FHIT: variants seen among roughly 807,000 people sequenced by gnomAD.
FHIT encodes bis(5'-adenosyl)-triphosphatase.
In FHIT, 19 loss-of-function variants were observed where a neutral mutation model predicts 17.9. The observed-to-expected ratio is 1.06, with a 90% CI of 0.74 to 1.56. FHIT has a LOEUF of 1.56. Ranked by LOEUF, FHIT falls within the 40% of genes most tolerant of loss-of-function variation. The pLI, the probability that FHIT is intolerant of heterozygous loss-of-function variation, is 0.00. For missense variants in FHIT, 248 were observed against 189.2 expected (o/e 1.31, Z -1.82); for synonymous variants, 81 against 69.7 (o/e 1.16, Z -0.81).
At chr3:60,952,964 T>G (rs1708954030) in intron 3 of FHIT, among the ~76,000 whole-genome samples, 1 of 152,196 alleles carries the variant, frequency 6.6e-6, no homozygotes, top group Non-Finnish European at 1.5e-5. Context: ...TAAATAAATG[T>G]GTGTGCTTTT....
intron 3 of FHIT, among the ~76,000 whole-genome samples, chr3:60,941,880 C>A (rs1708422779): frequency 6.6e-6 from 1 of 152,232 alleles, no homozygotes. Flanking sequence ...AATATCACTT[C>A]TTCAAGTAAC....
intron 4 of FHIT, among the ~76,000 whole-genome samples, chr3:60,589,891 AATTT>A (rs1227923865): frequency 2.0e-5 from 3 of 151,948 alleles, no homozygotes; most frequent in African/African-American, 7.2e-5. Context: ...TTGGCATTCT[AATTT>A]ATCATCTTCT....
At chr3:60,735,519 A>G (rs2042116893) in intron 4 of FHIT, among the ~76,000 whole-genome samples, 1 of 152,240 alleles carries the variant, frequency 6.6e-6, no homozygotes, top group African/African-American at 2.4e-5. Flanking sequence ...GAAAGGGAAG[A>G]ATTTAAAAAA....
chr3:60,174,991 A>C lies in FHIT; in HGVS notation c.104-160839T>G, dbSNP rs141324776. Among the ~76,000 whole-genome samples the C allele has an allele frequency of 2.8e-3, 425 of 152,302 alleles. 2 individuals are homozygous for C. Among genetic ancestry groups the C allele is most frequent in the African/African-American group, 9.7e-3 (401 of 41,554 alleles). Reference sequence around the variant, plus strand: ...AATATAGGTTGACTGTGTGAACGAAAGGATAGGGGTGGATAATGATTAAAC... The same window carrying C: ...AATATAGGTTGACTGTGTGAACGAACGGATAGGGGTGGATAATGATTAAAC... On this transcript the variant is annotated intron_variant, in intron 5 of 9. Transcript: ENST00000492590.
At chr3:60,550,727 C>A (rs75883174) in intron 4 of FHIT, among the ~76,000 whole-genome samples, 1 of 151,964 alleles carries the variant, frequency 6.6e-6, no homozygotes, top group East Asian at 1.9e-4. Context: ...AACCTTTCCT[C>A]ATCAAACTCT....
At chr3:61,064,231 A>AAGAG (rs35140567) in intron 2 of FHIT, among the ~76,000 whole-genome samples, 4 of 151,438 alleles carry the variant, frequency 2.6e-5, no homozygotes, top group African/African-American at 7.3e-5. Flanking sequence ...CTGAAATGGA[A>AAGAG]AGAGAGAGAG....
intron 3 of FHIT, among the ~76,000 whole-genome samples, chr3:60,898,919 T>G: frequency 6.6e-6 from 1 of 152,350 alleles, no homozygotes; most frequent in East Asian, 1.9e-4. Flanking sequence ...AATTCTCCCT[T>G]GTCAGTTTCT....
chr3:60,062,518 G>A (rs1251367284), intron 5 of FHIT, among the ~76,000 whole-genome samples: 1 of 152,136 alleles, frequency 6.6e-6, no homozygotes, highest in Non-Finnish European at 1.5e-5. Flanking sequence ...TAAGTTGCTT[G>A]TATTACACAA....
chr3:59,905,748 C>T (rs905508123), intron 8 of FHIT, among the ~76,000 whole-genome samples: 8 of 151,994 alleles, frequency 5.3e-5, no homozygotes, highest in South Asian at 2.1e-4. Flanking sequence ...ATAGAAAACC[C>T]GAATACGTAA....
intron 5 of FHIT, among the ~76,000 whole-genome samples, chr3:60,497,053 G>T (rs778365780): frequency 3.3e-5 from 5 of 152,094 alleles, no homozygotes; most frequent in Non-Finnish European, 7.4e-5. Context: ...GTTCTCAAAA[G>T]GGGGTAACTT....
intron 5 of FHIT, among the ~76,000 whole-genome samples, chr3:60,031,765 A>G (rs913870925): frequency 1.3e-5 from 2 of 152,228 alleles, no homozygotes; most frequent in Admixed American, 1.3e-4. Context: ...TGGGGGTCCC[A>G]CAGAGGCTTA....
intron 4 of FHIT, among the ~76,000 whole-genome samples, chr3:60,565,890 G>C (rs6446135): frequency 0.38 from 58,320 of 151,828 alleles, 11,536 homozygotes; most frequent in Admixed American, 0.49. Context: ...TTTCTCTTAT[G>C]GGCATTTAGT....
chr3:60,571,424 A>G (rs2107663507), intron 4 of FHIT, among the ~76,000 whole-genome samples: 1 of 151,140 alleles, frequency 6.6e-6, no homozygotes, highest in South Asian at 2.1e-4. Flanking sequence ...ATCCAGGGGA[A>G]AAAGATTAAT....
intron 5 of FHIT, among the ~76,000 whole-genome samples, chr3:60,353,930 C>G (rs73107058): frequency 6.6e-6 from 1 of 151,924 alleles, no homozygotes; most frequent in African/African-American, 2.4e-5. Flanking sequence ...ACCCCAAAAC[C>G]TTAACAAATT....
intron 5 of FHIT, among the ~76,000 whole-genome samples, chr3:60,367,739 G>A (rs1192240349): frequency 6.6e-6 from 1 of 152,152 alleles, no homozygotes; most frequent in Non-Finnish European, 1.5e-5. Flanking sequence ...TTTAACAAAT[G>A]TATACACACA....
intron 3 of FHIT, among the ~76,000 whole-genome samples, chr3:60,854,731 T>G (rs782210714): frequency 3.3e-5 from 5 of 152,056 alleles, no homozygotes; most frequent in Non-Finnish European, 7.4e-5. Context: ...TCCAGAAAGT[T>G]CCATCCAGTG....
At chr3:60,540,006 G>A (rs2036133240) in intron 4 of FHIT, among the ~76,000 whole-genome samples, 1 of 151,342 alleles carries the variant, frequency 6.6e-6, no homozygotes, top group Admixed American at 6.6e-5. Context: ...AACCAAAGCA[G>A]GATTATAGGG....
chr3:60,403,617 C>G (rs982072456), intron 5 of FHIT, among the ~76,000 whole-genome samples: 4 of 152,232 alleles, frequency 2.6e-5, no homozygotes, highest in Admixed American at 1.3e-4. Flanking sequence ...GGTCATTAGA[C>G]CCCCATTCCA....
intron 5 of FHIT, among the ~76,000 whole-genome samples, chr3:60,150,209 C>T (rs958777624): frequency 6.6e-6 from 1 of 151,980 alleles, no homozygotes; most frequent in Non-Finnish European, 1.5e-5. Flanking sequence ...ATTGGTCAGG[C>T]TGGTCTCGAG....
Sources: gnomAD v4.1 joint callset for allele counts (sites outside exome capture counted in the v4.1 genomes callset) on GRCh38, gnomAD v4.1.1 for gene constraint, MANE v1.5 for transcripts, NCBI Gene and HGNC (gene_info 2026-07-23, HGNC 2026-07-21) for gene names.